CCDC170: variants seen among roughly 807,000 people sequenced by gnomAD.
The protein encoded by CCDC170 is coiled-coil domain containing 170, also known as coiled-coil domain-containing protein 170.
In CCDC170, 69 loss-of-function variants were observed where a neutral mutation model predicts 72.6. That is an observed-to-expected ratio of 0.95 (90% CI 0.78 to 1.16). CCDC170 has a LOEUF of 1.16. CCDC170 is among the 50% of genes most tolerant of loss of function. CCDC170 has a pLI of 0.00. For synonymous variants in CCDC170, 300 were observed against 303.9 expected, an observed-to-expected ratio of 0.99 and a Z score of 0.13; for missense variants, 852 against 832.5, an observed-to-expected ratio of 1.02 and a Z score of -0.29.
intron 1 of CCDC170, among the ~76,000 whole-genome samples, chr6:151,526,499 C>A: frequency 6.7e-6 from 1 of 148,904 alleles, no homozygotes. Context: ...GGATTACAGG[C>A]ATGAGCCACC....
intron 1 of CCDC170, among the ~76,000 whole-genome samples, chr6:151,515,678 G>A (rs60275968): frequency 0.066 from 10,069 of 152,206 alleles, 523 homozygotes; most frequent in East Asian, 0.21. Context: ...AATAAAAGGT[G>A]GTAGACTCTC....
chr6:151,614,684 G>A (rs1327401685), intron 9 of CCDC170, among the ~76,000 whole-genome samples: 4 of 150,002 alleles, frequency 2.7e-5, no homozygotes, highest in Non-Finnish European at 5.9e-5. Context: ...TGGCCAGGCT[G>A]ATCTCGAACT....
intron 3 of CCDC170, among the ~76,000 whole-genome samples, chr6:151,544,353 T>G (rs904147589): frequency 2.0e-5 from 3 of 152,170 alleles, no homozygotes; most frequent in Non-Finnish European, 4.4e-5. Context: ...TTCCTTATAT[T>G]TCTGCAAAGC....
intron 7 of CCDC170, among the ~76,000 whole-genome samples, chr6:151,587,157 C>G (rs1335721628): frequency 3.3e-5 from 5 of 152,022 alleles, no homozygotes; most frequent in African/African-American, 1.2e-4. Context: ...GTCTCGGAAA[C>G]AATGGCACTG....
chr6:151,614,935 A>G (rs1185391493), intron 9 of CCDC170, among the ~76,000 whole-genome samples: 1 of 152,192 alleles, frequency 6.6e-6, no homozygotes, highest in Non-Finnish European at 1.5e-5. Flanking sequence ...TGGTAAAGTT[A>G]GAAGACGCTT....
rs774072878 is a variant in CCDC170, at chr6:151,573,472, G to A, written c.1073G>A (p.Arg358Gln). The A allele has an allele frequency of 1.9e-5, 30 of 1,613,782 alleles. No individual in the cohort carries two copies. Among genetic ancestry groups the A allele is most frequent in the Admixed American group, 1.5e-4 (9 of 60,016 alleles). ...GAGAAGATTCGAGAAATGGACAGCC[G>A]GGAAGAAAGCAGGGACCGGGTGAGT... is the stretch of plus-strand genomic sequence containing the variant. ...ILEKIREMDSREESRDRMVSQ... is the reference protein window; with the variant it reads ...ILEKIREMDSQEESRDRMVSQ... The change falls in exon 6 of 11, where the codon CGG becomes CAG. Residue 358 changes from arginine (R) to glutamine (Q), a missense_variant. By Grantham distance (43) the Arg-to-Gln change is conservative. Coordinates refer to ENST00000239374, the MANE Select transcript of CCDC170 (RefSeq NM_025059.4).
chr6:151,494,650 TC>T (rs762589205), intron 1 of CCDC170, among the ~76,000 whole-genome samples: 2 of 152,198 alleles, frequency 1.3e-5, no homozygotes, highest in South Asian at 4.1e-4. Flanking sequence ...ATTCAGTTGT[TC>T]CTGAATGCAT....
At chr6:151,494,510 A>T (rs1781880997) in intron 1 of CCDC170, among the ~76,000 whole-genome samples, 1 of 152,212 alleles carries the variant, frequency 6.6e-6, no homozygotes. Flanking sequence ...TCCTTCATTT[A>T]ACTTTCCCTG....
rs1562276622 is a variant in CCDC170, at chr6:151,541,888, T to TA, written c.444-2684_444-2683insA. 4.8e-4 allele frequency among the ~76,000 whole-genome samples: 57 copies of TA among 118,314 alleles called. No homozygotes were observed. The East Asian group carries it at 9.3e-3, about 19-fold the overall frequency. 77.6% of individuals were successfully genotyped at this position (118,314 alleles called of 152,430 possible). On this transcript the variant is annotated intron_variant, in intron 3 of 10. Transcript: ENST00000239374. Reference sequence around the variant, plus strand: ...TAAATATATATATATATATATATATTTTTTTTTTTAAGACAGAGTCTTGCT... The same window carrying TA: ...TAAATATATATATATATATATATATTATTTTTTTTTAAGACAGAGTCTTGCT...
rs532246838 is a variant in CCDC170 at position 151,525,925 on chromosome 6, G to C, written c.58-10393G>C. Among the ~76,000 whole-genome samples the C allele has an allele frequency of 1.5e-4, 23 of 152,252 alleles. No individual in the cohort carries two copies. The East Asian group carries it at 4.4e-3, about 29-fold the overall frequency. The stretch of plus-strand genomic sequence containing the variant: ...CCTTCATTAAGAATACTTTAAATTT[G>C]TTTTTATTTATTATACAGGAAAGAA... On this transcript the variant is annotated intron_variant, in intron 1 of 10. Transcript: ENST00000239374.
At chr6:151,495,936 A>G (rs900919640) in intron 1 of CCDC170, among the ~76,000 whole-genome samples, 8 of 152,002 alleles carry the variant, frequency 5.3e-5, no homozygotes, top group Non-Finnish European at 1.0e-4. Flanking sequence ...ACCTACTAAA[A>G]CTTTGCCACT....
intron 5 of CCDC170, among the ~76,000 whole-genome samples, chr6:151,570,733 C>T (rs1225113155): frequency 6.6e-6 from 1 of 152,250 alleles, no homozygotes; most frequent in East Asian, 1.9e-4. Context: ...ACTAGTTACT[C>T]TAATTGAGCA....
chr6:151,594,270 C>G (rs1395384599), intron 8 of CCDC170, among the ~76,000 whole-genome samples: 2 of 152,176 alleles, frequency 1.3e-5, no homozygotes, highest in African/African-American at 4.8e-5. Flanking sequence ...TTCCATCAAG[C>G]TGTGTGACCT....
Position 151,511,394 on chromosome 6 carries a change from C to G in CCDC170, c.57+17209C>G, listed in dbSNP as rs1047058937. On this transcript the variant is annotated intron_variant, in intron 1 of 10. Transcript: ENST00000239374. ...CTGTAAAGTGACCAGAGGGAAGAAG[C>G]CTTTCTGTTTGTCTATTTATCTTCC... Among the ~76,000 whole-genome samples, 12 of 152,250 alleles carry G rather than the reference C, an allele frequency of 7.9e-5. No homozygotes were observed. The East Asian group carries it at 2.3e-3, about 29-fold the overall frequency.
intron 1 of CCDC170, among the ~76,000 whole-genome samples, chr6:151,527,819 G>C (rs1360865284): frequency 6.6e-6 from 1 of 152,114 alleles, no homozygotes; most frequent in African/African-American, 2.4e-5. Context: ...AGAGTAGATT[G>C]GTTATGGGAT....
intron 1 of CCDC170, among the ~76,000 whole-genome samples, chr6:151,497,422 A>C (rs941363572): frequency 2.0e-5 from 3 of 152,162 alleles, no homozygotes; most frequent in Non-Finnish European, 2.9e-5. Context: ...CAATCAAGAA[A>C]AACAGACACA....
At chr6:151,495,982 C>A (rs2115013659) in intron 1 of CCDC170, among the ~76,000 whole-genome samples, 1 of 152,212 alleles carries the variant, frequency 6.6e-6, no homozygotes. Flanking sequence ...AATTTTTTTT[C>A]CATCTCAGGA....
At chr6:151,576,200 A>T (rs1776299759) in intron 6 of CCDC170, among the ~76,000 whole-genome samples, 1 of 152,176 alleles carries the variant, frequency 6.6e-6, no homozygotes, top group Admixed American at 6.5e-5. Context: ...TTTATTATAA[A>T]ATAGGCTTTG....
At chr6:151,604,109 A>G (rs898776803) in intron 9 of CCDC170, among the ~76,000 whole-genome samples, 1 of 152,154 alleles carries the variant, frequency 6.6e-6, no homozygotes, top group Non-Finnish European at 1.5e-5. Context: ...TCTTTCAAGG[A>G]AACACCAAAA....
Sources: gnomAD v4.1 joint callset for allele counts (sites outside exome capture counted in the v4.1 genomes callset) on GRCh38, gnomAD v4.1.1 for gene constraint, MANE v1.5 for transcripts, NCBI Gene and HGNC (gene_info 2026-07-23, HGNC 2026-07-21) for gene names.